Variants in ACOXL observed in about 807,000 individuals in gnomAD.
ACOXL encodes acyl-CoA oxidase like.
Under a neutral mutation model 71.9 loss-of-function variants are expected in ACOXL, and 70 were observed. The observed-to-expected ratio is 0.97, with a 90% confidence interval of 0.80 to 1.19. ACOXL has a LOEUF of 1.19. Ranked by LOEUF, ACOXL falls within the 50% of genes most tolerant of loss-of-function variation. The pLI is 0.00. For missense variants in ACOXL, 703 were observed against 736.3 expected (o/e 0.95, Z 0.52); for synonymous variants, 253 against 281.6 (o/e 0.90, Z 1.02).
chr2:110,968,419 C>T (rs574939563), intron 12 of ACOXL: 4 of 1,150,712 alleles, frequency 3.5e-6, no homozygotes, highest in South Asian at 2.4e-5. Flanking sequence ...AGAAGTACAC[C>T]AGAAGCACAT....
At chr2:110,767,089 T>TTGGG (rs1681181812) in intron 1 of ACOXL, among the ~76,000 whole-genome samples, 1 of 152,134 alleles carries the variant, frequency 6.6e-6, no homozygotes, top group African/African-American at 2.4e-5. Context: ...TTTTCTGTTG[T>TTGGG]TGGGTGGGTA....
chr2:110,838,507 C>A (rs762953784), intron 9 of ACOXL, among the ~76,000 whole-genome samples: 6 of 152,182 alleles, frequency 3.9e-5, no homozygotes, highest in Non-Finnish European at 7.3e-5. Flanking sequence ...TCTCATCTCT[C>A]AGCAGATCAC....
intron 9 of ACOXL, among the ~76,000 whole-genome samples, chr2:110,828,391 G>A (rs1689415809): frequency 1.3e-5 from 2 of 152,208 alleles, no homozygotes; most frequent in Admixed American, 6.5e-5. Context: ...GACAACCTAA[G>A]GGTGTCAATA....
At chr2:110,957,087 A>G (rs558074478) in intron 12 of ACOXL, among the ~76,000 whole-genome samples, 1 of 152,166 alleles carries the variant, frequency 6.6e-6, no homozygotes, top group South Asian at 2.1e-4. Flanking sequence ...TCTCCTGCTT[A>G]GGAATAAAGT....
chr2:111,023,223 TGAGAG>T (rs1020964469), intron 14 of ACOXL, among the ~76,000 whole-genome samples: 8 of 152,022 alleles, frequency 5.3e-5, no homozygotes, highest in East Asian at 3.9e-4. Context: ...CACAGGGAGA[TGAGAG>T]GGGAGCGGGG....
intron 12 of ACOXL, among the ~76,000 whole-genome samples, chr2:110,977,911 A>G (rs1209263676): frequency 6.6e-6 from 1 of 152,202 alleles, no homozygotes; most frequent in East Asian, 1.9e-4. Flanking sequence ...ATAACCAGAG[A>G]TTGCCGTGGG....
rs149659137 is a variant in ACOXL at position 110,906,944 on chromosome 2, A to G, written c.789-1845A>G. 3.6e-3 allele frequency among the ~76,000 whole-genome samples: 554 copies of G among 152,392 alleles called. 10 individuals carry two copies. The highest frequency in any genetic ancestry group is 0.013 in the African/African-American group (526 of 41,598). ...AGGTAAGAGTCTAGCCACAACAACC[A>G]TAGATAAAGCTACAGTAGAATCACA... On this transcript the variant is annotated intron_variant, in intron 10 of 17. Coordinates refer to ENST00000439055, the MANE Select transcript of ACOXL (RefSeq NM_001142807.4).
In ACOXL at chr2:110,853,522, G is replaced by A. The variant is rs866255856; in HGVS notation, c.788+12117G>A. Among the ~76,000 whole-genome samples, 7 of 152,274 alleles carry A rather than the reference G, an allele frequency of 4.6e-5. No homozygotes were observed. The East Asian group carries it at 5.8e-4, about 13-fold the overall frequency. Reference sequence around the variant, plus strand: ...GTTGATAAAATACTTTCAATATTCCGTGATAATTTTTGTTCTATTTGTTTG... The same window carrying A: ...GTTGATAAAATACTTTCAATATTCCATGATAATTTTTGTTCTATTTGTTTG... On this transcript the variant is annotated intron_variant, in intron 10 of 17. Coordinates refer to ENST00000439055, the MANE Select transcript of ACOXL (RefSeq NM_001142807.4).
intron 1 of ACOXL, among the ~76,000 whole-genome samples, chr2:110,749,206 CTG>C (rs1678612647): frequency 6.6e-6 from 1 of 152,188 alleles, no homozygotes. Context: ...TGCACAAAGA[CTG>C]TTTTTAAAAA....
intron 14 of ACOXL, among the ~76,000 whole-genome samples, chr2:111,006,564 T>C (rs1445905517): frequency 1.3e-5 from 2 of 151,916 alleles, no homozygotes; most frequent in Non-Finnish European, 2.9e-5. Context: ...CCTCTTTTTT[T>C]TTTTTCTTTT....
At chr2:111,002,989 C>T (rs903828509) in intron 14 of ACOXL, among the ~76,000 whole-genome samples, 3 of 151,970 alleles carry the variant, frequency 2.0e-5, no homozygotes, top group Non-Finnish European at 2.9e-5. Flanking sequence ...ATGTTCAATC[C>T]GTATTAGAAA....
intron 10 of ACOXL, among the ~76,000 whole-genome samples, chr2:110,888,290 G>A (rs1249152164): frequency 6.6e-6 from 1 of 152,302 alleles, no homozygotes; most frequent in South Asian, 2.1e-4. Flanking sequence ...CTTGTCCTGG[G>A]ACTTCATGCA....
intron 11 of ACOXL, among the ~76,000 whole-genome samples, chr2:110,909,951 C>T (rs1558713156): frequency 1.3e-5 from 2 of 151,844 alleles, no homozygotes; most frequent in East Asian, 1.9e-4. Context: ...TTGCTTCCAC[C>T]GTCTCTTACC....
At chr2:110,794,639 A>C (rs933361369) in intron 5 of ACOXL, among the ~76,000 whole-genome samples, 2 of 152,128 alleles carry the variant, frequency 1.3e-5, no homozygotes, top group Non-Finnish European at 2.9e-5. Context: ...GCTGTCCCTT[A>C]CCGTGACCTG....
chr2:110,734,937 C>T (rs780714045), intron 1 of ACOXL, among the ~76,000 whole-genome samples: 1 of 151,994 alleles, frequency 6.6e-6, no homozygotes, highest in Non-Finnish European at 1.5e-5. Flanking sequence ...ATCAATGCTG[C>T]TGTGTTATGA....
chr2:111,024,058 A>G (rs1482234042), intron 14 of ACOXL, among the ~76,000 whole-genome samples: 1 of 152,082 alleles, frequency 6.6e-6, no homozygotes, highest in East Asian at 1.9e-4. Flanking sequence ...GTATCAGCTA[A>G]AGTGCTTGTC....
In ACOXL at chr2:110,801,675, A is replaced by G. The variant is rs1226948911; in HGVS notation, c.571A>G (p.Ile191Val). Residue 191 changes from isoleucine (I) to valine (V), a missense_variant, in exon 8 of 18, where the codon ATA becomes GTA. Physicochemically the swap from Ile to Val is conservative, Grantham distance 29. Transcript: ENST00000439055. ...AGGTCTGCATGGTGTGGACAATGGG[A>G]TATTAATATTTGACAAGGTTCGGAT... ...KEGLHGVDNG[I>V]LIFDKVRIPR... is the part of the protein sequence containing the mutation. 2 of 1,613,996 alleles carry G rather than the reference A, an allele frequency of 1.2e-6. No individual in the cohort carries two copies. Among genetic ancestry groups the G allele is most frequent in the Non-Finnish European group, 1.7e-6 (2 of 1,180,004 alleles).
chr2:110,821,668 C>T (rs1688618842), intron 9 of ACOXL, among the ~76,000 whole-genome samples: 1 of 152,172 alleles, frequency 6.6e-6, no homozygotes, highest in African/African-American at 2.4e-5. Context: ...TCAGCCCACA[C>T]TGAAGATGTG....
At chr2:110,983,483 A>T (rs557861112) in intron 12 of ACOXL, among the ~76,000 whole-genome samples, 1 of 152,220 alleles carries the variant, frequency 6.6e-6, no homozygotes, top group Admixed American at 6.5e-5. Flanking sequence ...AAAGACATGG[A>T]TGTTTTGACT....
Sources: gnomAD v4.1 joint callset for allele counts (sites outside exome capture counted in the v4.1 genomes callset) on GRCh38, gnomAD v4.1.1 for gene constraint, MANE v1.5 for transcripts, NCBI Gene and HGNC (gene_info 2026-07-23, HGNC 2026-07-21) for gene names.